COG5: variants seen among roughly 807,000 people sequenced by gnomAD.
COG5 encodes the protein conserved oligomeric Golgi complex subunit 5.
A neutral mutation model predicts 110.4 loss-of-function variants in COG5; 86 were observed. That is an observed-to-expected ratio of 0.78 (90% CI 0.65 to 0.93). The LOEUF (loss-of-function observed/expected upper bound fraction) is 0.93, where lower values mean the gene tolerates loss of function less well. COG5 is among the 40% of genes least tolerant of loss of function. The pLI, the probability that COG5 is intolerant of heterozygous loss-of-function variation, is 0.00. For synonymous variants in COG5, 360 were observed against 334.6 expected, an observed-to-expected ratio of 1.08 and a Z score of -0.83; for missense variants, 1,077 against 987.0, an observed-to-expected ratio of 1.09 and a Z score of -1.22.
At chr7:107,473,884 T>G (rs1185596980) in intron 6 of COG5, among the ~76,000 whole-genome samples, 3 of 152,018 alleles carry the variant, frequency 2.0e-5, no homozygotes, top group Non-Finnish European at 2.9e-5. Flanking sequence ...GCAAACTTGA[T>G]GGTTCTTAAT....
intron 14 of COG5, among the ~76,000 whole-genome samples, chr7:107,258,976 A>AT (rs1316344934): frequency 3.3e-5 from 5 of 152,278 alleles, no homozygotes; most frequent in African/African-American, 9.6e-5. Flanking sequence ...TTTTTTATAG[A>AT]TTAAAAAAAA....
chr7:107,342,299 C>A (rs138220063), intron 10 of COG5, among the ~76,000 whole-genome samples: 7 of 132,966 alleles, frequency 5.3e-5, no homozygotes, highest in Admixed American at 2.5e-4. Context: ...TAGAGAAATG[C>A]AAATCAAAAC....
chr7:107,372,529 C>A, intron 8 of COG5, 66 bp downstream of exon 8: 2 of 1,489,402 alleles, frequency 1.3e-6, no homozygotes, highest in Non-Finnish European at 1.9e-6. Context: ...GAGTGTTTCA[C>A]ATACTATTCA....
intron 17 of COG5, among the ~76,000 whole-genome samples, chr7:107,245,038 G>A (rs577969875): frequency 2.6e-5 from 4 of 152,100 alleles, no homozygotes; most frequent in South Asian, 2.1e-4. Context: ...CTTCATCCCC[G>A]GGACACGAGA....
intron 10 of COG5, among the ~76,000 whole-genome samples, chr7:107,334,518 A>G (rs1389955990): frequency 2.0e-5 from 3 of 152,178 alleles, no homozygotes; most frequent in Non-Finnish European, 2.9e-5. Context: ...CCAAGGAGAA[A>G]GAGAAGATCC....
intron 6 of COG5, among the ~76,000 whole-genome samples, chr7:107,470,760 A>C (rs1796585957): frequency 6.6e-6 from 1 of 152,078 alleles, no homozygotes; most frequent in South Asian, 2.1e-4. Context: ...TCTGTTTCTT[A>C]AAAGAACTAG....
chr7:107,475,365 A>G (rs766300564), intron 6 of COG5: 88 of 1,379,466 alleles, frequency 6.4e-5, no homozygotes, highest in Admixed American at 2.5e-4. Context: ...CAGACTAGAG[A>G]AAAGTCTCAG....
intron 6 of COG5, among the ~76,000 whole-genome samples, chr7:107,483,317 A>G (rs893824266): frequency 1.3e-5 from 2 of 152,200 alleles, no homozygotes; most frequent in African/African-American, 4.8e-5. Flanking sequence ...TTTGGTTTTT[A>G]GTATTTTCAT....
intron 6 of COG5, among the ~76,000 whole-genome samples, chr7:107,525,880 C>T (rs1373039059): frequency 6.6e-6 from 1 of 152,142 alleles, no homozygotes; most frequent in Non-Finnish European, 1.5e-5. Flanking sequence ...CCACCACACC[C>T]AGCTTAAAAG....
chr7:107,292,171 G>C (rs1806230708), intron 12 of COG5, among the ~76,000 whole-genome samples: 4 of 152,044 alleles, frequency 2.6e-5, no homozygotes, highest in Admixed American at 2.6e-4. Flanking sequence ...CAAGTAGCTG[G>C]GACTACAGGT....
chr7:107,497,031 G>A (rs191560486), intron 6 of COG5, among the ~76,000 whole-genome samples: 2 of 151,956 alleles, frequency 1.3e-5, no homozygotes, highest in Non-Finnish European at 2.9e-5. Flanking sequence ...ACAACATAGC[G>A]AGACTCCATC....
At position 107,283,513 on chromosome 7, in the gene COG5, T is replaced by C. The variant is rs189721939; in HGVS notation, c.1475+58A>G. ...AAATTAAAAAGGTACTGCTATCATA[T>C]ATCACTAACAAATATGGCAGTCATC... On this transcript the variant is annotated intron_variant, in intron 13 of 21. Coordinates refer to ENST00000297135, the MANE Select transcript of COG5 (RefSeq NM_006348.5). The C allele has an allele frequency of 2.3e-3, 3,244 of 1,415,468 alleles. 4 individuals are homozygous for C. The highest frequency in any genetic ancestry group is 2.9e-3 in the Non-Finnish European group (2,886 of 1,002,000). 87.7% of individuals were successfully genotyped at this position (1,415,468 alleles called of 1,614,324 possible).
intron 11 of COG5, among the ~76,000 whole-genome samples, chr7:107,298,884 T>C (rs185866384): frequency 1.2e-4 from 18 of 152,262 alleles, no homozygotes; most frequent in Admixed American, 1.2e-3. Flanking sequence ...AACAAAAAGA[T>C]ACCTGAAAAG....
At chr7:107,533,650 G>C (rs749179786) in intron 5 of COG5, among the ~76,000 whole-genome samples, 2 of 151,650 alleles carry the variant, frequency 1.3e-5, no homozygotes, top group Non-Finnish European at 2.9e-5. Context: ...AAGCCTCCAA[G>C]AAATACAGGA....
At chr7:107,484,624 G>C (rs562332554) in intron 6 of COG5, among the ~76,000 whole-genome samples, 1 of 152,112 alleles carries the variant, frequency 6.6e-6, no homozygotes, top group Admixed American at 6.6e-5. Flanking sequence ...GATACCTTAA[G>C]TCTCACATGG....
intron 11 of COG5, among the ~76,000 whole-genome samples, chr7:107,299,481 G>A (rs1021353873): frequency 2.6e-5 from 4 of 152,004 alleles, no homozygotes; most frequent in Non-Finnish European, 5.9e-5. Flanking sequence ...GCTCACTCAA[G>A]AAGCAATAGA....
At chr7:107,307,057 C>G (rs866927029) in intron 11 of COG5, among the ~76,000 whole-genome samples, 9 of 152,336 alleles carry the variant, frequency 5.9e-5, no homozygotes, top group Middle Eastern at 3.4e-3. Flanking sequence ...CCAACACACT[C>G]CGCCTTAACT....
chr7:107,560,993 A>G (rs1803727139), intron 1 of COG5, among the ~76,000 whole-genome samples: 1 of 152,224 alleles, frequency 6.6e-6, no homozygotes, highest in South Asian at 2.1e-4. Context: ...GGGTGGACAG[A>G]GAAAATGAAA....
chr7:107,420,578 A>T (rs959103915), intron 6 of COG5, among the ~76,000 whole-genome samples: 1 of 152,130 alleles, frequency 6.6e-6, no homozygotes, highest in Non-Finnish European at 1.5e-5. Context: ...CTCCTGCCTC[A>T]GCCTCCTGAG....
Sources: allele counts gnomAD v4.1 joint callset (sites outside exome capture counted in the v4.1 genomes callset), GRCh38; gene constraint gnomAD v4.1.1; transcripts MANE v1.5; gene names NCBI Gene and HGNC (gene_info 2026-07-23, HGNC 2026-07-21).